The following TSPEAR variants were observed in gnomAD, a reference collection of about 807,000 sequenced individuals.
TSPEAR encodes thrombospondin type laminin G domain and EAR repeats.
TSPEAR carries 69 observed loss-of-function variants against 71.6 expected under a neutral mutation model. The observed-to-expected ratio is 0.96, with a 90% CI of 0.79 to 1.18. The LOEUF is 1.18. Among genes scored for constraint, TSPEAR ranks in the 50% most tolerant of loss-of-function variants. The pLI is 0.00. For missense variants in TSPEAR, 971 were observed against 894.9 expected (o/e 1.09, Z -1.09); for synonymous variants, 402 against 387.2 (o/e 1.04, Z -0.45).
At chr21:44,521,577 G>T (rs1313363999) in intron 9 of TSPEAR, among the ~76,000 whole-genome samples, 1 of 152,226 alleles carries the variant, frequency 6.6e-6, no homozygotes, top group African/African-American at 2.4e-5. Context: ...GAGCCCGGGG[G>T]CTGCTTTATG....
At chr21:44,700,233 C>T (rs1555951348) in intron 1 of TSPEAR, among the ~76,000 whole-genome samples, 1 of 152,212 alleles carries the variant, frequency 6.6e-6, no homozygotes, top group African/African-American at 2.4e-5. Flanking sequence ...CCTTCCAGTC[C>T]AGGGTTCCAC....
intron 2 of TSPEAR, among the ~76,000 whole-genome samples, chr21:44,562,879 C>T (rs1472658918): frequency 6.6e-6 from 1 of 152,142 alleles, no homozygotes; most frequent in Non-Finnish European, 1.5e-5. Context: ...TTCCGCAGAC[C>T]AAAAGCAAGT....
intron 9 of TSPEAR, chr21:44,515,746 G>GC (rs2052546167): frequency 6.6e-6 from 1 of 152,218 alleles, no homozygotes; most frequent in Non-Finnish European, 1.5e-5. Context: ...CAGAAGCCCC[G>GC]TGTTTTTCGG....
chr21:44,633,768 T>C (rs1983386710), intron 1 of TSPEAR, among the ~76,000 whole-genome samples: 2 of 152,258 alleles, frequency 1.3e-5, no homozygotes, highest in African/African-American at 4.8e-5. Flanking sequence ...TATTTCGTTA[T>C]TGATCTTTGA....
rs58196199 is a variant in TSPEAR at position 44,708,007 on chromosome 21, G to GCACACACACA, written c.82+3416_82+3425dup. 2.0e-4 allele frequency among the ~76,000 whole-genome samples: 25 copies of GCACACACACA among 122,410 alleles called. 1 individual carries two copies. The highest frequency in any genetic ancestry group is 1.4e-3 in the East Asian group (6 of 4,234). The allele number at this position is 122,410 out of a possible 152,430, so 80.3% of individuals were successfully genotyped here. A position where few individuals can be genotyped will look rare whatever the true frequency, so the allele number is the denominator to read the frequency against. On this transcript the variant is annotated intron_variant, in intron 1 of 11. Coordinates refer to ENST00000323084, the MANE Select transcript of TSPEAR (RefSeq NM_144991.3). ...TTCCCCCCCTCCCCGCCCCGCGCGT[G>GCACACACACA]CACACACACACACACACACACACAC...
chr21:44,544,196 T>C (rs2053265059), intron 2 of TSPEAR, among the ~76,000 whole-genome samples: 1 of 152,236 alleles, frequency 6.6e-6, no homozygotes, highest in Non-Finnish European at 1.5e-5. Flanking sequence ...CCATATTTGT[T>C]CTTTAGTGAA....
intron 1 of TSPEAR, among the ~76,000 whole-genome samples, chr21:44,696,010 GTCT>G (rs782151286): frequency 2.0e-5 from 3 of 152,194 alleles, no homozygotes; most frequent in South Asian, 2.1e-4. Flanking sequence ...GCTGCCGAAT[GTCT>G]TCTTCTCAAA....
chr21:44,582,603 A>C lies in TSPEAR; in HGVS notation c.83-14598T>G, dbSNP rs1201908187. Among the ~76,000 whole-genome samples the C allele has an allele frequency of 2.0e-5, 3 of 152,110 alleles. No individual in the cohort carries two copies. In the East Asian group the frequency reaches 5.8e-4, roughly 29 times the overall value. On this transcript the variant is annotated intron_variant, in intron 1 of 11. Transcript: ENST00000323084. ...GTCGCTCCCTTCTCCTGGTGTCTGG[A>C]CCACCCATCACTGTCCAAAGTGTCT...
intron 1 of TSPEAR, among the ~76,000 whole-genome samples, chr21:44,606,163 CAAAA>C (rs61407657): frequency 0.06 from 4,237 of 71,040 alleles, 195 homozygotes; most frequent in African/African-American, 0.17. Flanking sequence ...GACCCTGGCT[CAAAA>C]AAAAAAAAAA....
chr21:44,702,241 T>G, intron 1 of TSPEAR: 1 of 1,602,630 alleles, frequency 6.2e-7, no homozygotes. Context: ...TTCCACCAAC[T>G]CCTGGCAGGT....
chr21:44,500,190 C>T (rs2052003443), intron 11 of TSPEAR, among the ~76,000 whole-genome samples: 2 of 152,238 alleles, frequency 1.3e-5, no homozygotes, highest in Non-Finnish European at 2.9e-5. Context: ...ACCTCCTATC[C>T]ACCCAAGATC....
rs781926210 is a variant in TSPEAR at position 44,574,369 on chromosome 21, G to A, written c.83-6364C>T. 4.1e-5 allele frequency: 66 copies of A among 1,610,350 alleles called. 1 individual carries two copies. Among genetic ancestry groups the A allele is most frequent in the South Asian group, 3.0e-4 (27 of 90,902 alleles). ...TGCCAATCAGGCTGCATCAGCTCCTGCACGCCCTCGTGCTGCCAGCAGTCT... is the reference window on the plus strand; with the variant it reads ...TGCCAATCAGGCTGCATCAGCTCCTACACGCCCTCGTGCTGCCAGCAGTCT... On this transcript the variant is annotated intron_variant, in intron 1 of 11. Transcript: ENST00000323084.
intron 1 of TSPEAR, among the ~76,000 whole-genome samples, chr21:44,576,324 A>T (rs1229758809): frequency 6.6e-6 from 1 of 150,658 alleles, no homozygotes; most frequent in Non-Finnish European, 1.5e-5. Flanking sequence ...GGCATAACTC[A>T]TGGGTGAACA....
In TSPEAR at chr21:44,499,578, C is replaced by A; in HGVS notation, c.*205G>T. The A allele has an allele frequency of 1.8e-6, 1 of 544,608 alleles. No individual in the cohort carries two copies. Among genetic ancestry groups the A allele is most frequent in the Middle Eastern group, 4.8e-4 (1 of 2,094 alleles). The allele number at this position is 544,608 out of a possible 1,614,324, so 33.7% of individuals were successfully genotyped here. A position where few individuals can be genotyped will look rare whatever the true frequency, so the allele number is the denominator to read the frequency against. On this transcript the variant is annotated 3_prime_UTR_variant, in exon 12 of 12. Transcript: ENST00000323084. ...CTCTGCCTGCAAGACCAGACCGTCA[C>A]TGGGGCTGTGGCTCAGAAGGACTCA...
chr21:44,571,187 A>G (rs1472215524), intron 1 of TSPEAR, among the ~76,000 whole-genome samples: 3 of 152,248 alleles, frequency 2.0e-5, no homozygotes, highest in Admixed American at 6.5e-5. Context: ...TCAATAAAAT[A>G]TTAGCAAATA....
At chr21:44,698,122 A>G in intron 1 of TSPEAR, 1 of 743,212 alleles carries the variant, frequency 1.3e-6, no homozygotes, top group South Asian at 1.9e-5. Context: ...TAAGCTCCAG[A>G]TGACCCTGCC....
intron 1 of TSPEAR, chr21:44,676,365 C>T (rs1198791963): frequency 2.4e-5 from 27 of 1,127,310 alleles, no homozygotes; most frequent in Non-Finnish European, 3.5e-5. Flanking sequence ...CTGCACTACC[C>T]AGTGGGACAG....
intron 2 of TSPEAR, chr21:44,539,127 G>A: frequency 8.7e-7 from 1 of 1,143,650 alleles, no homozygotes; most frequent in Non-Finnish European, 1.2e-6. Context: ...CAAGAGCTGG[G>A]GAGCTGCAAG....
intron 1 of TSPEAR, chr21:44,702,403 T>G (rs1987697944): frequency 9.1e-7 from 1 of 1,093,142 alleles, no homozygotes; most frequent in African/African-American, 3.2e-5. Flanking sequence ...CTGCACGCCC[T>G]TGTGCTGCCA....
Sources: gnomAD v4.1 joint callset for allele counts (sites outside exome capture counted in the v4.1 genomes callset) on GRCh38, gnomAD v4.1.1 for gene constraint, MANE v1.5 for transcripts, NCBI Gene and HGNC (gene_info 2026-07-23, HGNC 2026-07-21) for gene names.